FOXP2: variants seen among roughly 807,000 people sequenced by gnomAD.
FOXP2 encodes forkhead box P2.
FOXP2 carries 12 observed loss-of-function variants against 115.8 expected under a neutral mutation model. The observed-to-expected ratio is 0.10, with a 90% CI of 0.07 to 0.17. The LOEUF is 0.17. Among genes scored for constraint, FOXP2 ranks in the 10% least tolerant of loss-of-function variants. FOXP2 has a pLI of 1.00. For missense variants in FOXP2, 629 were observed against 843.5 expected (o/e 0.75, Z 3.15); for synonymous variants, 328 against 297.7 (o/e 1.10, Z -1.05).
chr7:114,555,594 C>T (rs898838139), intron 3 of FOXP2, among the ~76,000 whole-genome samples: 4 of 151,930 alleles, frequency 2.6e-5, no homozygotes, highest in Non-Finnish European at 5.9e-5. Flanking sequence ...GTCAGGAGTT[C>T]GAGACCAGCC....
chr7:114,344,350 A>G (rs1002152188), intron 2 of FOXP2, among the ~76,000 whole-genome samples: 1 of 151,834 alleles, frequency 6.6e-6, no homozygotes, highest in Non-Finnish European at 1.5e-5. Context: ...ACAAAATGAC[A>G]TGTTACAAAG....
chr7:114,193,401 TGTTA>T (rs1793817140), intron 1 of FOXP2, among the ~76,000 whole-genome samples: 1 of 151,918 alleles, frequency 6.6e-6, no homozygotes, highest in African/African-American at 2.4e-5. Flanking sequence ...TCTTGGTTTA[TGTTA>T]GTTGTATTCC....
rs114858433 is a variant in FOXP2 at position 114,144,740 on chromosome 7, T to C, written c.-246-18204T>C. Among the ~76,000 whole-genome samples the C allele has an allele frequency of 3.6e-3, 541 of 152,262 alleles. 5 individuals carry two copies. The highest frequency in any genetic ancestry group is 0.012 in the African/African-American group (518 of 41,556). On this transcript the variant is annotated intron_variant, in intron 1 of 19. Coordinates refer to the FOXP2 transcript ENST00000635638. ...AGAGTTCTGAACATGTTTATACTTATATGTAGCCAAATATTTTACATGGAA... is the reference window on the plus strand; with the variant it reads ...AGAGTTCTGAACATGTTTATACTTACATGTAGCCAAATATTTTACATGGAA...
At chr7:114,297,213 A>C (rs1584617009) in intron 2 of FOXP2, 2 of 482,276 alleles carry the variant, frequency 4.1e-6, no homozygotes, top group East Asian at 5.1e-5. Context: ...TTTCTCGATG[A>C]AACTTGAGGG....
chr7:114,360,233 C>T (rs1398478384), intron 2 of FOXP2, among the ~76,000 whole-genome samples: 2 of 152,152 alleles, frequency 1.3e-5, no homozygotes, highest in Non-Finnish European at 2.9e-5. Flanking sequence ...CCTTTGCCTT[C>T]CACCATGATT....
At position 114,590,907 on chromosome 7, in the gene FOXP2, G is replaced by A. The variant is rs183995343; in HGVS notation, c.259-37633G>A. On this transcript the variant is annotated intron_variant, in intron 3 of 16. Transcript: ENST00000350908. The stretch of plus-strand genomic sequence containing the variant: ...ATAAAGGATAATGTGATTATACTAC[G>A]TACTTTTTCTGGGGAAGGCAGACTC... 2.2e-4 allele frequency among the ~76,000 whole-genome samples: 34 copies of A among 152,122 alleles called. No homozygotes were observed. In the South Asian group the frequency reaches 4.6e-3, roughly 20 times the overall value.
intron 1 of FOXP2, among the ~76,000 whole-genome samples, chr7:114,174,028 T>C (rs1463996821): frequency 6.6e-6 from 1 of 151,988 alleles, no homozygotes; most frequent in African/African-American, 2.4e-5. Context: ...TTTGGTTATA[T>C]AAAATTTAAA....
chr7:114,615,426 C>T (rs1000559049), intron 3 of FOXP2, among the ~76,000 whole-genome samples: 2 of 152,180 alleles, frequency 1.3e-5, no homozygotes, highest in African/African-American at 4.8e-5. Context: ...AGTTGAATAA[C>T]CTCCATATTG....
At chr7:114,502,071 A>G (rs1395007958) in intron 2 of FOXP2, among the ~76,000 whole-genome samples, 1 of 152,004 alleles carries the variant, frequency 6.6e-6, no homozygotes, top group African/African-American at 2.4e-5. Flanking sequence ...GCATATTTCT[A>G]AAGTGTGGGG....
At chr7:114,274,555 T>G (rs932829201) in intron 1 of FOXP2, among the ~76,000 whole-genome samples, 1 of 150,866 alleles carries the variant, frequency 6.6e-6, no homozygotes, top group Admixed American at 6.6e-5. Context: ...TTTTGAAGGA[T>G]AGTTTCACAG....
At chr7:114,289,868 A>AT (rs1484732985) in intron 2 of FOXP2, among the ~76,000 whole-genome samples, 5 of 152,018 alleles carry the variant, frequency 3.3e-5, no homozygotes, top group Admixed American at 1.3e-4. Context: ...AAAAAGCATT[A>AT]TTTTTTCTTG....
At chr7:114,622,094 A>G (rs1488204484) in intron 3 of FOXP2, among the ~76,000 whole-genome samples, 1 of 151,972 alleles carries the variant, frequency 6.6e-6, no homozygotes, top group Non-Finnish European at 1.5e-5. Flanking sequence ...TAATTTTACT[A>G]TTTCAGTAGT....
At chr7:114,632,468 T>C (rs531542618) in intron 6 of FOXP2, among the ~76,000 whole-genome samples, 8 of 152,310 alleles carry the variant, frequency 5.3e-5, no homozygotes, top group African/African-American at 1.9e-4. Flanking sequence ...AAGTTATATA[T>C]CATTACACTT....
chr7:114,466,878 T>C (rs533139387), intron 2 of FOXP2, among the ~76,000 whole-genome samples: 3 of 152,328 alleles, frequency 2.0e-5, no homozygotes, highest in South Asian at 4.1e-4. Context: ...ATTTTCTAAA[T>C]AGAGCAAGGA....
intron 3 of FOXP2, among the ~76,000 whole-genome samples, chr7:114,619,653 A>G (rs747390953): frequency 1.4e-4 from 22 of 152,130 alleles, no homozygotes; most frequent in Non-Finnish European, 2.7e-4. Context: ...TGTATATCCA[A>G]TTTTTTAAAA....
At chr7:114,282,919 C>G (rs1367381402) in intron 1 of FOXP2, among the ~76,000 whole-genome samples, 1 of 152,136 alleles carries the variant, frequency 6.6e-6, no homozygotes, top group Non-Finnish European at 1.5e-5. Context: ...GCCTTCTGAG[C>G]TCTTTGTAAA....
rs115266721 is a variant in FOXP2, at chr7:114,089,348, T to C, written c.-247+1510T>C. Among the ~76,000 whole-genome samples, 658 of 152,216 alleles carry C rather than the reference T, an allele frequency of 4.3e-3. 6 individuals are homozygous for C. Among genetic ancestry groups the C allele is most frequent in the African/African-American group, 0.015 (625 of 41,566 alleles). ...GGATTTTTAAGGGAATAATTTTTAA[T>C]TCAACTTAAATATAAGTACAATGAA... On this transcript the variant is annotated intron_variant, in intron 1 of 19. Coordinates refer to the FOXP2 transcript ENST00000635638.
intron 2 of FOXP2, among the ~76,000 whole-genome samples, chr7:114,502,776 A>C (rs1439404202): frequency 6.6e-6 from 1 of 152,062 alleles, no homozygotes; most frequent in East Asian, 1.9e-4. Context: ...TCACCAATTC[A>C]TCAGGGACGC....
At chr7:114,491,007 T>C (rs1459060523) in intron 2 of FOXP2, among the ~76,000 whole-genome samples, 1 of 152,208 alleles carries the variant, frequency 6.6e-6, no homozygotes, top group Non-Finnish European at 1.5e-5. Flanking sequence ...TTATAATCCT[T>C]TGGGTATATA....
Sources: allele counts gnomAD v4.1 joint callset (sites outside exome capture counted in the v4.1 genomes callset), GRCh38; gene constraint gnomAD v4.1.1; transcripts MANE v1.5; gene names NCBI Gene and HGNC (gene_info 2026-07-23, HGNC 2026-07-21).